GRAMD4: variants seen among roughly 807,000 people sequenced by gnomAD.
GRAMD4 encodes GRAM domain containing 4, also known as GRAM domain-containing protein 4.
GRAMD4 carries 25 observed loss-of-function variants against 83.9 expected under a neutral mutation model. The ratio of observed to expected loss-of-function variants is 0.30; its 90% confidence interval spans 0.22 to 0.42. The LOEUF (loss-of-function observed/expected upper bound fraction) is 0.42, where lower values mean the gene tolerates loss of function less well. GRAMD4 is among the 10% of genes least tolerant of loss of function. The pLI is 1.00. For synonymous variants in GRAMD4, 336 were observed against 320.9 expected, an observed-to-expected ratio of 1.05 and a Z score of -0.50; for missense variants, 593 against 788.7, an observed-to-expected ratio of 0.75 and a Z score of 2.97.
At chr22:46,654,294 C>T (rs1459650002) in intron 3 of GRAMD4, among the ~76,000 whole-genome samples, 6 of 152,198 alleles carry the variant, frequency 3.9e-5, no homozygotes, top group African/African-American at 9.7e-5. Flanking sequence ...GGCATGGACC[C>T]GCCCACCAAG....
At chr22:46,580,029 C>T (rs138668233) in intron 1 of GRAMD4, among the ~76,000 whole-genome samples, 6 of 152,188 alleles carry the variant, frequency 3.9e-5, no homozygotes, top group Admixed American at 2.0e-4. Flanking sequence ...CCCTGCAAGG[C>T]GGCCCAAGAG....
At chr22:46,619,818 G>A (rs569230382), upstream of GRAMD4, among the ~76,000 whole-genome samples, 116 of 152,330 alleles carry the variant, frequency 7.6e-4, no homozygotes, top group African/African-American at 2.7e-3. Flanking sequence ...AGGGCCAGGT[G>A]GGGGCTGGGG....
At chr22:46,605,627 T>A (rs1451908163) in intron 1 of GRAMD4, among the ~76,000 whole-genome samples, 1 of 152,284 alleles carries the variant, frequency 6.6e-6, no homozygotes, top group African/African-American at 2.4e-5. Flanking sequence ...TTTCTGAGTT[T>A]TTGATCATGG....
intron 1 of GRAMD4, among the ~76,000 whole-genome samples, chr22:46,603,761 C>T (rs2081339147): frequency 6.6e-6 from 1 of 151,926 alleles, no homozygotes; most frequent in African/African-American, 2.4e-5. Flanking sequence ...CCTGATCCGC[C>T]CGCCTCGGCC....
intron 2 of GRAMD4, among the ~76,000 whole-genome samples, chr22:46,637,513 AC>A (rs1397403098): frequency 6.6e-6 from 1 of 152,152 alleles, no homozygotes; most frequent in African/African-American, 2.4e-5. Flanking sequence ...TGCTGGGATT[AC>A]AGGTGTGAAC....
chr22:46,675,421 G>A, intron 16 of GRAMD4, 47 bp from the exon 17 acceptor site: 1 of 1,330,092 alleles, frequency 7.5e-7, no homozygotes, highest in South Asian at 1.2e-5. Context: ...GTGGGAGCGT[G>A]CTCTGGTTCA....
intron 1 of GRAMD4, among the ~76,000 whole-genome samples, chr22:46,604,514 C>A (rs1473440979): frequency 6.6e-6 from 1 of 152,174 alleles, no homozygotes; most frequent in Non-Finnish European, 1.5e-5. Context: ...TCTGATCTTC[C>A]CCAACCGAAA....
chr22:46,596,998 C>T (rs1238787341), intron 1 of GRAMD4, among the ~76,000 whole-genome samples: 1 of 152,226 alleles, frequency 6.6e-6, no homozygotes, highest in African/African-American at 2.4e-5. Flanking sequence ...CCACCCTTCT[C>T]AGCGTCCATC....
intron 3 of GRAMD4, among the ~76,000 whole-genome samples, chr22:46,642,909 A>T (rs1056952927): frequency 6.6e-6 from 1 of 150,386 alleles, no homozygotes; most frequent in Non-Finnish European, 1.5e-5. Context: ...CCATCCATCT[A>T]TTTATCCATC....
chr22:46,673,881 G>A (rs1003285671), intron 15 of GRAMD4, 67 bp downstream of exon 15: 33 of 1,545,864 alleles, frequency 2.1e-5, no homozygotes, highest in Middle Eastern at 1.7e-4. Flanking sequence ...TGAGGGGGGC[G>A]CTGTGGATGC....
chr22:46,587,930 G>A (rs1009834772), intron 1 of GRAMD4: 43 of 985,280 alleles, frequency 4.4e-5, no homozygotes, highest in Middle Eastern at 5.2e-4. Context: ...CTGGGCAGAC[G>A]CACTCACATC....
rs141866991 is a variant in GRAMD4, at chr22:46,637,554, T to C, written c.163-286T>C. On this transcript the variant is annotated intron_variant, in intron 2 of 18. Coordinates refer to ENST00000406902, the MANE Select transcript of GRAMD4 (RefSeq NM_015124.5). ...GTGCCCAGCCTCCATTTTTAAGATA[T>C]TTCTTAAAGCCAGCCTTACAGGGGC... Among the ~76,000 whole-genome samples the C allele has an allele frequency of 2.9e-3, 436 of 152,310 alleles. 4 individuals carry two copies. Among genetic ancestry groups the C allele is most frequent in the African/African-American group, 9.9e-3 (412 of 41,566 alleles).
intron 1 of GRAMD4, among the ~76,000 whole-genome samples, chr22:46,578,117 T>G (rs967845786): frequency 1.3e-5 from 2 of 152,184 alleles, no homozygotes; most frequent in African/African-American, 4.8e-5. Context: ...TCGGCTATTG[T>G]CAACCCTGCA....
chr22:46,596,143 C>T (rs541782441), intron 1 of GRAMD4, among the ~76,000 whole-genome samples: 1 of 152,232 alleles, frequency 6.6e-6, no homozygotes, highest in Non-Finnish European at 1.5e-5. Context: ...GGCTGCCTGG[C>T]GCAGTTTCTC....
intron 14 of GRAMD4, among the ~76,000 whole-genome samples, chr22:46,673,259 A>G (rs2147408399): frequency 6.6e-6 from 1 of 152,036 alleles, no homozygotes; most frequent in South Asian, 2.1e-4. Context: ...TGACCACTCC[A>G]TGGGGGTGCC....
rs2082282825 is a variant in GRAMD4, at chr22:46,658,755, C to T, written c.404+448C>T. 2.6e-5 allele frequency among the ~76,000 whole-genome samples: 4 copies of T among 152,188 alleles called. No homozygotes were observed. In the South Asian group the frequency reaches 8.3e-4, roughly 32 times the overall value. On this transcript the variant is annotated intron_variant, in intron 4 of 18. Transcript: ENST00000406902. ...CCCAGGACCTGCCTTCCCAGTGCTG[C>T]CTGTGCGTGTTCCCATGCCCCCTGT... is the stretch of plus-strand genomic sequence containing the variant.
chr22:46,664,233 G>T lies in GRAMD4; in HGVS notation c.717+116G>T. 6.6e-6 allele frequency: 5 copies of T among 752,502 alleles called. No individual in the cohort carries two copies. The South Asian group carries it at 7.4e-5, about 11-fold the overall frequency. The allele number at this position is 752,502 out of a possible 1,614,324, so 46.6% of individuals were successfully genotyped here. On this transcript the variant is annotated intron_variant, in intron 8 of 18. Transcript: ENST00000406902. The stretch of plus-strand genomic sequence containing the variant: ...TGGCCCCCAGGTGGCACTTCCTCAG[G>T]CCCCAGGGACATGCTCATTTCTCCT...
chr22:46,588,990 C>T (rs544554624), intron 1 of GRAMD4, among the ~76,000 whole-genome samples: 1 of 152,224 alleles, frequency 6.6e-6, no homozygotes, highest in South Asian at 2.1e-4. Context: ...TGGCCCGTGG[C>T]AGTGCAACCA....
At chr22:46,586,468 C>T (rs767379009) in intron 1 of GRAMD4, among the ~76,000 whole-genome samples, 2 of 152,112 alleles carry the variant, frequency 1.3e-5, no homozygotes, top group East Asian at 1.9e-4. Flanking sequence ...CCTGGCTCCC[C>T]GGGCTCTGCT....
Sources: gnomAD v4.1 joint callset for allele counts (sites outside exome capture counted in the v4.1 genomes callset) on GRCh38, gnomAD v4.1.1 for gene constraint, MANE v1.5 for transcripts, NCBI Gene and HGNC (gene_info 2026-07-23, HGNC 2026-07-21) for gene names.